The following E2F5 variants were observed in gnomAD, a reference collection of about 807,000 sequenced individuals.
E2F5 encodes transcription factor E2F5.
E2F5 carries 23 observed loss-of-function variants against 39.1 expected under a neutral mutation model. That is an observed-to-expected ratio of 0.59 (90% CI 0.42 to 0.83). E2F5 has a LOEUF of 0.83. Ranked by LOEUF, E2F5 falls within the 40% of genes least tolerant of loss-of-function variation. The pLI is 0.00. For missense variants in E2F5, 365 were observed against 406.7 expected (o/e 0.90, Z 0.88); for synonymous variants, 145 against 157.8 (o/e 0.92, Z 0.61).
chr8:85,201,389 C>T (rs1261645863), intron 1 of E2F5, among the ~76,000 whole-genome samples: 1 of 152,164 alleles, frequency 6.6e-6, no homozygotes, highest in Non-Finnish European at 1.5e-5. Flanking sequence ...ACTCTGAAAA[C>T]TTCTTTGAGG....
chr8:85,199,999 C>T (rs1812658740), intron 1 of E2F5, among the ~76,000 whole-genome samples: 1 of 152,068 alleles, frequency 6.6e-6, no homozygotes, highest in African/African-American at 2.4e-5. Flanking sequence ...GTAATCTCAG[C>T]ACTTTGGGAG....
At chr8:85,178,433 G>C (rs1306185788) in intron 1 of E2F5, among the ~76,000 whole-genome samples, 1 of 152,132 alleles carries the variant, frequency 6.6e-6, no homozygotes, top group African/African-American at 2.4e-5. Context: ...TTTTCAAACA[G>C]GAGCAGGCAT....
At chr8:85,187,804 G>T (rs1161926629) in intron 1 of E2F5, 2 of 152,140 alleles carry the variant, frequency 1.3e-5, no homozygotes, top group Non-Finnish European at 2.9e-5. Flanking sequence ...TAGGTAAGTA[G>T]TTAATACTGT....
intron 1 of E2F5, among the ~76,000 whole-genome samples, chr8:85,180,870 C>T (rs1414610189): frequency 9.9e-5 from 15 of 151,506 alleles, no homozygotes; most frequent in Non-Finnish European, 1.0e-4. Flanking sequence ...TGAGCCACCG[C>T]GCCCGGCCGG....
At position 85,203,225 on chromosome 8, in the gene E2F5, A is replaced by G; in HGVS notation, c.476A>G (p.Lys159Arg). 6.2e-7 allele frequency: 1 copy of G among 1,602,552 alleles called. No individual in the cohort carries two copies. The highest frequency in any genetic ancestry group is 8.5e-7 in the Non-Finnish European group (1 of 1,174,386). ...QQKLWLQQSI[K>R]NVMDDSINNR... ...AAGTTGTGGCTACAGCAAAGCATCA[A>G]AAATGTGATGGACGATTCCATTAAT... Residue 159 changes from lysine to arginine, a missense_variant, in exon 3 of 8, where the codon AAA (lysine) becomes AGA (arginine). Coordinates refer to ENST00000416274, the MANE Select transcript of E2F5 (RefSeq NM_001951.4).
chr8:85,185,170 G>A (rs565848333), intron 1 of E2F5, among the ~76,000 whole-genome samples: 188 of 152,150 alleles, frequency 1.2e-3, no homozygotes, highest in Non-Finnish European at 2.1e-3. Flanking sequence ...CAGATATATA[G>A]ACCAATGGAA....
intron 1 of E2F5, among the ~76,000 whole-genome samples, chr8:85,197,968 C>T (rs919612217): frequency 6.6e-6 from 1 of 152,136 alleles, no homozygotes; most frequent in Non-Finnish European, 1.5e-5. Flanking sequence ...TACCTATTGT[C>T]TTGCTTTTTT....
chr8:85,209,072 TATTG>T (rs1464499432), intron 5 of E2F5, 66 bp from the exon 6 acceptor site: 1 of 1,491,800 alleles, frequency 6.7e-7, no homozygotes, highest in Non-Finnish European at 9.1e-7. Flanking sequence ...TTGCCTGTCT[TATTG>T]TACTGTCTTA....
intron 1 of E2F5, among the ~76,000 whole-genome samples, chr8:85,183,084 T>C (rs1812254523): frequency 6.6e-6 from 1 of 152,134 alleles, no homozygotes; most frequent in African/African-American, 2.4e-5. Flanking sequence ...ACCCCGTTTC[T>C]ACTAAAAATA....
chr8:85,197,252 T>G (rs1317605342), intron 1 of E2F5, among the ~76,000 whole-genome samples: 1 of 152,214 alleles, frequency 6.6e-6, no homozygotes, highest in Admixed American at 6.5e-5. Context: ...ATGTTTCCTA[T>G]TATTGTTTTG....
intron 3 of E2F5, 57 bp from the exon 4 acceptor site, chr8:85,206,120 T>A: frequency 6.5e-7 from 1 of 1,538,410 alleles, no homozygotes; most frequent in Non-Finnish European, 9.0e-7. Flanking sequence ...TGTATTACCT[T>A]AATTTAAATG....
At chr8:85,192,077 G>A (rs1278249758) in intron 1 of E2F5, among the ~76,000 whole-genome samples, 1 of 152,182 alleles carries the variant, frequency 6.6e-6, no homozygotes, top group Non-Finnish European at 1.5e-5. Flanking sequence ...ACTTCACATT[G>A]TGGAAGTGAC....
chr8:85,177,409 G>C lies in E2F5; in HGVS notation c.-12G>C. 3.0e-6 allele frequency: 3 copies of C among 987,726 alleles called. No individual in the cohort carries two copies. The highest frequency in any genetic ancestry group is 3.5e-5 in the African/African-American group (2 of 57,052). The allele number at this position is 987,726 out of a possible 1,614,324, so 61.2% of individuals were successfully genotyped here. A position where few individuals can be genotyped will look rare whatever the true frequency, so the allele number is the denominator to read the frequency against. On this transcript the variant is annotated 5_prime_UTR_variant, in exon 1 of 8. Transcript: ENST00000416274. ...GTGCGCGGGGGCCCGACCACCGCGG[G>C]GCCGGGACGCGATGGCGGCGGCAGA...
In E2F5 at chr8:85,193,572, T is replaced by G. The variant is rs142497815; in HGVS notation, c.235-8575T>G. 1.4e-4 allele frequency among the ~76,000 whole-genome samples: 21 copies of G among 152,302 alleles called. No homozygotes were observed. In the East Asian group the frequency reaches 3.9e-3, roughly 28 times the overall value. On this transcript the variant is annotated intron_variant, in intron 1 of 7. Transcript: ENST00000416274. Reference sequence around the variant, plus strand: ...TACTTGTACCTGAATGACCATCACCTCAACCAGATGTGGAACATTCTCATC... The same window carrying G: ...TACTTGTACCTGAATGACCATCACCGCAACCAGATGTGGAACATTCTCATC...
intron 1 of E2F5, among the ~76,000 whole-genome samples, chr8:85,185,154 C>T (rs945268379): frequency 6.6e-6 from 1 of 152,034 alleles, no homozygotes; most frequent in African/African-American, 2.4e-5. Context: ...GGTATTGGTA[C>T]CAAAACAGAT....
chr8:85,180,527 T>C (rs1377468726), intron 1 of E2F5, among the ~76,000 whole-genome samples: 7 of 14,856 alleles, frequency 4.7e-4, no homozygotes, highest in Admixed American at 6.5e-4. Context: ...TATATATATA[T>C]ATATATATAT....
At chr8:85,180,121 A>C (rs1422674353) in intron 1 of E2F5, among the ~76,000 whole-genome samples, 5 of 151,422 alleles carry the variant, frequency 3.3e-5, no homozygotes, top group Non-Finnish European at 4.4e-5. Flanking sequence ...CCCGGGTTCA[A>C]GCGATTCTCC....
In E2F5 at chr8:85,207,455, C is replaced by T. The variant is rs1289652336; in HGVS notation, c.581C>T (p.Ser194Phe). Residue 194 changes from serine to phenylalanine, a missense_variant, in exon 5 of 8, where the codon TCT becomes TTT. Physicochemically the swap from Ser to Phe is radical, Grantham distance 155. Coordinates refer to ENST00000416274, the MANE Select transcript of E2F5 (RefSeq NM_001951.4). The stretch of plus-strand genomic sequence containing the variant: ...ACACTTTTGGCCATTCAGGCACCTT[C>T]TGGTACACAACTGGAGGTACCCATT... ...GDTLLAIQAP[S>F]GTQLEVPIPE... 4 of 1,562,134 alleles carry T rather than the reference C, an allele frequency of 2.6e-6. No homozygotes were observed. The highest frequency in any genetic ancestry group is 4.7e-5 in the East Asian group (2 of 42,308).
At chr8:85,202,096 A>C (rs903615042) in intron 1 of E2F5, 51 bp from the exon 2 acceptor site, 45 of 1,484,948 alleles carry the variant, frequency 3.0e-5, no homozygotes, top group Non-Finnish European at 3.7e-5. Context: ...TTTTGGCTTT[A>C]AAATATGACT....
Sources: allele counts gnomAD v4.1 joint callset (sites outside exome capture counted in the v4.1 genomes callset), GRCh38; gene constraint gnomAD v4.1.1; transcripts MANE v1.5; gene names NCBI Gene and HGNC (gene_info 2026-07-23, HGNC 2026-07-21).